GLDN: variants seen among roughly 807,000 people sequenced by gnomAD.
The protein encoded by GLDN is collomin.
Under a neutral mutation model 56.5 loss-of-function variants are expected in GLDN, and 47 were observed. The observed-to-expected ratio is 0.83, with a 90% CI of 0.66 to 1.06. The LOEUF (loss-of-function observed/expected upper bound fraction) is 1.06, where lower values mean the gene tolerates loss of function less well. GLDN is among the 50% of genes least tolerant of loss of function. The pLI, the probability that GLDN is intolerant of heterozygous loss-of-function variation, is 0.00. For synonymous variants in GLDN, 332 were observed against 278.8 expected (o/e 1.19, Z -1.90); for missense variants, 782 against 714.3 (o/e 1.09, Z -1.08).
At chr15:51,351,737 G>A (rs553961232) in intron 1 of GLDN, among the ~76,000 whole-genome samples, 1 of 152,262 alleles carries the variant, frequency 6.6e-6, no homozygotes, top group East Asian at 1.9e-4. Context: ...TAAGTTCCCA[G>A]CCCCATTCTC....
chr15:51,383,501 A>G lies in GLDN; in HGVS notation c.433+48A>G, dbSNP rs372726603. ...GTTCAAGGGGAGGCTGTGGGTGGCC[A>G]GACCCTAGGATCTCCCTGTTGGGAC... is the stretch of plus-strand genomic sequence containing the variant. On this transcript the variant is annotated intron_variant, in intron 3 of 9. Transcript: ENST00000335449. 4 of 1,606,294 alleles carry G rather than the reference A, an allele frequency of 2.5e-6. No individual in the cohort carries two copies. The African/African-American group carries it at 4.0e-5, about 16-fold the overall frequency.
At chr15:51,364,137 AT>A (rs1269757798) in intron 1 of GLDN, among the ~76,000 whole-genome samples, 2 of 151,636 alleles carry the variant, frequency 1.3e-5, no homozygotes, top group Admixed American at 6.6e-5. Context: ...GAATTTTGGA[AT>A]TTTTTTTGCC....
intron 6 of GLDN, among the ~76,000 whole-genome samples, chr15:51,398,478 G>A (rs765830182): frequency 5.1e-4 from 77 of 152,202 alleles, no homozygotes; most frequent in African/African-American, 1.5e-3. Flanking sequence ...GGCCACTTGC[G>A]GCCATCTCCT....
chr15:51,404,174 C>T (rs776990270), intron 9 of GLDN, 103 bp from the exon 10 acceptor site: 4 of 872,978 alleles, frequency 4.6e-6, no homozygotes, highest in African/African-American at 1.7e-5. Context: ...AATCCCAGCC[C>T]TCACCCCAGA....
chr15:51,391,874 T>C (rs1320182575), intron 4 of GLDN, among the ~76,000 whole-genome samples: 2 of 152,254 alleles, frequency 1.3e-5, no homozygotes, highest in Non-Finnish European at 2.9e-5. Flanking sequence ...CACCCAAGCT[T>C]ACCACTGGTA....
In GLDN at chr15:51,405,382, T is replaced by G. The variant is rs562986111; in HGVS notation, c.*628T>G. 17 of 151,754 alleles carry G rather than the reference T, an allele frequency of 1.1e-4. No homozygotes were observed. Among genetic ancestry groups the G allele is most frequent in the Admixed American group, 3.9e-4 (6 of 15,264 alleles). The allele number at this position is 151,754 out of a possible 1,614,324, so 9.4% of individuals were successfully genotyped here. ...AGGGACAGCTACATGTTCAGGTTTT[T>G]TTTTTTTTTTTTTTTTCAATAAGCT... On this transcript the variant is annotated 3_prime_UTR_variant, in exon 10 of 10. Transcript: ENST00000335449.
chr15:51,375,790 C>G (rs1225939854), intron 1 of GLDN, among the ~76,000 whole-genome samples: 1 of 152,128 alleles, frequency 6.6e-6, no homozygotes, highest in Non-Finnish European at 1.5e-5. Context: ...TTATATTATT[C>G]AGAGGAGGAG....
chr15:51,351,837 G>T (rs2037081781), intron 1 of GLDN, among the ~76,000 whole-genome samples: 1 of 152,204 alleles, frequency 6.6e-6, no homozygotes, highest in Admixed American at 6.5e-5. Flanking sequence ...CAGCTTGGTA[G>T]CTGGGTGATC....
chr15:51,364,387 T>C (rs528149188), intron 1 of GLDN, among the ~76,000 whole-genome samples: 5 of 152,326 alleles, frequency 3.3e-5, no homozygotes, highest in African/African-American at 1.2e-4. Flanking sequence ...CCTGTACTTA[T>C]TTTTTCTTTA....
intron 4 of GLDN, among the ~76,000 whole-genome samples, chr15:51,392,774 C>G (rs2038050336): frequency 6.6e-6 from 1 of 152,198 alleles, no homozygotes; most frequent in Non-Finnish European, 1.5e-5. Flanking sequence ...TTAGAAACAA[C>G]TTCCCCTCTC....
chr15:51,374,007 T>C (rs984774469), intron 1 of GLDN, among the ~76,000 whole-genome samples: 10 of 152,220 alleles, frequency 6.6e-5, no homozygotes, highest in African/African-American at 2.2e-4. Flanking sequence ...ATATCATATA[T>C]TTCATCTCAA....
intron 1 of GLDN, among the ~76,000 whole-genome samples, chr15:51,368,587 G>A (rs886925084): frequency 6.6e-6 from 1 of 151,196 alleles, no homozygotes; most frequent in Admixed American, 6.6e-5. Flanking sequence ...CTGCATACAA[G>A]ATATAAAAAT....
chr15:51,404,566 A>C lies in GLDN; in HGVS notation c.1468A>C (p.Met490Leu). 1.2e-6 allele frequency: 2 copies of C among 1,614,180 alleles called. No individual in the cohort carries two copies. The highest frequency in any genetic ancestry group is 1.7e-6 in the Non-Finnish European group (2 of 1,180,034). Residue 490 changes from methionine (M) to leucine (L), a missense_variant, in exon 10 of 10, where the codon ATG becomes CTG. Coordinates refer to ENST00000335449, the MANE Select transcript of GLDN (RefSeq NM_181789.4). ...GILYVTDTKDMRVTFAFDLLG... is the reference protein window; with the variant it reads ...GILYVTDTKDLRVTFAFDLLG... Reference sequence around the variant, plus strand: ...CCTCTATGTCACAGACACCAAAGATATGAGGGTCACATTTGCCTTTGATTT... The same window carrying C: ...CCTCTATGTCACAGACACCAAAGATCTGAGGGTCACATTTGCCTTTGATTT...
At chr15:51,379,103 C>T (rs985757499) in intron 2 of GLDN, among the ~76,000 whole-genome samples, 1 of 152,234 alleles carries the variant, frequency 6.6e-6, no homozygotes, top group Non-Finnish European at 1.5e-5. Flanking sequence ...GCTGCTACGG[C>T]AGTCAGGACA....
intron 1 of GLDN, among the ~76,000 whole-genome samples, chr15:51,370,085 CA>C (rs2037485007): frequency 6.6e-6 from 1 of 152,104 alleles, no homozygotes; most frequent in Non-Finnish European, 1.5e-5. Flanking sequence ...CACTGCACTC[CA>C]GCCTCAGTGA....
chr15:51,383,015 A>G (rs1434577246), intron 2 of GLDN, among the ~76,000 whole-genome samples: 1 of 152,162 alleles, frequency 6.6e-6, no homozygotes, highest in African/African-American at 2.4e-5. Flanking sequence ...AGATGAGACA[A>G]GCTAGCTAGA....
chr15:51,394,832 C>T lies in GLDN; in HGVS notation c.542-3C>T. ...CTAATATGTCTTTTGTTTTTTTGGTCAGGGATACCTGGAGCTGCAGGAAAT... is the reference window on the plus strand; with the variant it reads ...CTAATATGTCTTTTGTTTTTTTGGTTAGGGATACCTGGAGCTGCAGGAAAT... On this transcript the variant is annotated splice_polypyrimidine_tract_variant and splice_region_variant and intron_variant, in intron 4 of 9. Coordinates refer to ENST00000335449, the MANE Select transcript of GLDN (RefSeq NM_181789.4). The T allele has an allele frequency of 6.2e-7, 1 of 1,612,940 alleles. No homozygotes were observed. The highest frequency in any genetic ancestry group is 1.3e-5 in the African/African-American group (1 of 74,860).
rs753096471 is a variant in GLDN at position 51,407,702 on chromosome 15, T to C, written c.*2948T>C. ...AGTTTTAAGATGAGGAGTTCTGATC[T>C]TAGGCATCTTAACAGTCACAAGGTG... On this transcript the variant is annotated 3_prime_UTR_variant, in exon 10 of 10. Coordinates refer to ENST00000335449, the MANE Select transcript of GLDN (RefSeq NM_181789.4). 5.9e-5 allele frequency: 9 copies of C among 152,346 alleles called. No homozygotes were observed. Among genetic ancestry groups the C allele is most frequent in the Non-Finnish European group, 1.0e-4 (7 of 68,042 alleles). 9.4% of individuals were successfully genotyped at this position (152,346 alleles called of 1,614,324 possible). A position where few individuals can be genotyped will look rare whatever the true frequency, so the allele number is the denominator to read the frequency against.
intron 4 of GLDN, chr15:51,384,602 C>T (rs2037848296): frequency 6.5e-6 from 1 of 153,532 alleles, no homozygotes; most frequent in African/African-American, 2.4e-5. Flanking sequence ...GGCTGGGGCA[C>T]AAAGGGGAAG....
Sources: allele counts gnomAD v4.1 joint callset (sites outside exome capture counted in the v4.1 genomes callset), GRCh38; gene constraint gnomAD v4.1.1; transcripts MANE v1.5; gene names NCBI Gene and HGNC (gene_info 2026-07-23, HGNC 2026-07-21).